The following ITGA8 variants were observed in gnomAD, a reference collection of about 807,000 sequenced individuals.
ITGA8 encodes integrin alpha-8.
In ITGA8, 91 loss-of-function variants were observed where a neutral mutation model predicts 142.3. The ratio of observed to expected loss-of-function variants is 0.64; its 90% CI spans 0.54 to 0.76. The LOEUF is 0.76. Ranked by LOEUF, ITGA8 falls within the 30% of genes least tolerant of loss-of-function variation. ITGA8 has a pLI of 0.00. For synonymous variants in ITGA8, 505 were observed against 485.2 expected (o/e 1.04, Z -0.54); for missense variants, 1,406 against 1,327.7 (o/e 1.06, Z -0.92).
intron 11 of ITGA8, among the ~76,000 whole-genome samples, chr10:15,652,597 C>CA (rs1834108513): frequency 6.6e-6 from 1 of 152,170 alleles, no homozygotes; most frequent in African/African-American, 2.4e-5. Flanking sequence ...GCTTTGATTA[C>CA]AATTACAGTC....
At chr10:15,694,229 A>C (rs1447766194) in intron 2 of ITGA8, among the ~76,000 whole-genome samples, 10 of 138,848 alleles carry the variant, frequency 7.2e-5, no homozygotes, top group African/African-American at 2.4e-4. Flanking sequence ...TATCATATAT[A>C]TGATAATATA....
intron 26 of ITGA8, among the ~76,000 whole-genome samples, chr10:15,555,533 A>T (rs1386905111): frequency 1.3e-5 from 2 of 152,182 alleles, no homozygotes; most frequent in Middle Eastern, 6.3e-3. Flanking sequence ...CAAGTCTAGG[A>T]GCCATTCACA....
At chr10:15,608,416 CA>C (rs1833237480) in intron 15 of ITGA8, 126 bp from the exon 16 acceptor site, 9 of 573,142 alleles carry the variant, frequency 1.6e-5, no homozygotes, top group South Asian at 4.5e-5. Context: ...CACACACACA[CA>C]CACACACCCA....
chr10:15,573,484 T>C (rs2131582152), intron 24 of ITGA8, among the ~76,000 whole-genome samples: 1 of 152,176 alleles, frequency 6.6e-6, no homozygotes, highest in East Asian at 1.9e-4. Context: ...ATCCTTTTGC[T>C]ATCAAAAGAG....
At chr10:15,590,177 G>A (rs185985203) in intron 22 of ITGA8, among the ~76,000 whole-genome samples, 1 of 152,316 alleles carries the variant, frequency 6.6e-6, no homozygotes, top group African/African-American at 2.4e-5. Flanking sequence ...TAAGGGTAAT[G>A]TTAAAATAGT....
chr10:15,613,724 G>C lies in ITGA8; in HGVS notation c.1489C>G (p.Pro497Ala). The part of the protein sequence containing the change: ...VTVDAQLLLH[P>A]MIINLENKTC... ...TTATTTTCAAGATTGATAATCATTG[G>C]GTGCAGCAGAAGCTGGGCATCTACA... Residue 497 changes from proline to alanine, a missense_variant, in exon 15 of 30, where the codon CCA becomes GCA. Physicochemically the swap from Pro to Ala is conservative, Grantham distance 27. Coordinates refer to ENST00000378076, the MANE Select transcript of ITGA8 (RefSeq NM_003638.3). The C allele has an allele frequency of 1.9e-6, 3 of 1,614,100 alleles. No individual in the cohort carries two copies. The highest frequency in any genetic ancestry group is 2.5e-6 in the Non-Finnish European group (3 of 1,179,984).
chr10:15,622,609 A>AACAAAACC (rs760656535), intron 13 of ITGA8, among the ~76,000 whole-genome samples: 5 of 114,974 alleles, frequency 4.3e-5, no homozygotes, highest in South Asian at 2.7e-4. Context: ...AAACAAAAAA[A>AACAAAACC]AAACCACATG....
chr10:15,626,734 A>G (rs140248504), intron 13 of ITGA8, among the ~76,000 whole-genome samples: 71 of 152,316 alleles, frequency 4.7e-4, no homozygotes, highest in African/African-American at 1.7e-3. Flanking sequence ...TTATAAGAAG[A>G]GGAAGCTAAG....
At chr10:15,526,856 G>A (rs968005561) in intron 28 of ITGA8, among the ~76,000 whole-genome samples, 1 of 152,080 alleles carries the variant, frequency 6.6e-6, no homozygotes, top group Non-Finnish European at 1.5e-5. Context: ...CCTTCATCAT[G>A]TCATAAATCT....
chr10:15,540,102 G>C (rs1376241620), intron 27 of ITGA8, among the ~76,000 whole-genome samples: 3 of 152,112 alleles, frequency 2.0e-5, no homozygotes, highest in Non-Finnish European at 4.4e-5. Flanking sequence ...AAATTACCCA[G>C]TCTCAGGTAT....
chr10:15,671,199 A>T (rs1834509835), intron 8 of ITGA8, among the ~76,000 whole-genome samples: 1 of 152,152 alleles, frequency 6.6e-6, no homozygotes, highest in Non-Finnish European at 1.5e-5. Context: ...GGAAAAAGCA[A>T]GTAAGGTTGG....
At chr10:15,517,929 T>G (rs976507214) in intron 29 of ITGA8, among the ~76,000 whole-genome samples, 2 of 152,252 alleles carry the variant, frequency 1.3e-5, no homozygotes, top group Admixed American at 6.5e-5. Context: ...AAAAGGAGAT[T>G]GTCTCCTAAA....
At chr10:15,658,559 C>G (rs1471867989) in intron 10 of ITGA8, among the ~76,000 whole-genome samples, 1 of 152,158 alleles carries the variant, frequency 6.6e-6, no homozygotes, top group Non-Finnish European at 1.5e-5. Context: ...TCTTGTTAGC[C>G]TTCCCTTGCC....
chr10:15,548,385 C>T, intron 27 of ITGA8, 70 bp downstream of exon 27: 1 of 1,055,976 alleles, frequency 9.5e-7, no homozygotes, highest in Non-Finnish European at 1.4e-6. Flanking sequence ...TATGAAAAGA[C>T]TTCCCACTGA....
chr10:15,523,819 C>T (rs1833114256), intron 28 of ITGA8, among the ~76,000 whole-genome samples: 1 of 151,624 alleles, frequency 6.6e-6, no homozygotes, highest in South Asian at 2.1e-4. Flanking sequence ...GTAGTCTCGG[C>T]TGCTCAGGAG....
At chr10:15,605,335 T>C (rs909161055) in intron 19 of ITGA8, among the ~76,000 whole-genome samples, 3 of 152,194 alleles carry the variant, frequency 2.0e-5, no homozygotes, top group African/African-American at 7.2e-5. Flanking sequence ...GTTTTAAGGA[T>C]GGCTTTGAGT....
Position 15,719,674 on chromosome 10 carries a change from G to A in ITGA8, c.98C>T (p.Ser33Phe). The A allele has an allele frequency of 2.7e-6, 4 of 1,502,982 alleles. No individual in the cohort carries two copies. The highest frequency in any genetic ancestry group is 3.5e-6 in the Non-Finnish European group (4 of 1,136,596). The allele number at this position is 1,502,982 out of a possible 1,614,324, so 93.1% of individuals were successfully genotyped here. Residue 33 changes from serine (S) to phenylalanine (F), a missense_variant, in exon 1 of 30, where the codon TCC (serine) becomes TTC (phenylalanine). Transcript: ENST00000378076. ...CAGGTTGAACGCCTGACAGGCGGGGGACCACAGCAACATCCCCAGCGCGGC... is the reference window on the plus strand; with the variant it reads ...CAGGTTGAACGCCTGACAGGCGGGGAACCACAGCAACATCCCCAGCGCGGC... ...AAAALGMLLW[S>F]PACQAFNLDV...
chr10:15,597,445 C>A (rs1833028781), intron 20 of ITGA8, 146 bp from the exon 21 acceptor site: 3 of 629,980 alleles, frequency 4.8e-6, no homozygotes, highest in East Asian at 2.6e-5. Context: ...ACCCTTAACT[C>A]AGAAGAGAAA....
Position 15,678,788 on chromosome 10 carries a change from A to T in ITGA8, c.569-5T>A. 1 of 1,581,954 alleles carries T rather than the reference A, an allele frequency of 6.3e-7. No homozygotes were observed. The highest frequency in any genetic ancestry group is 1.1e-5 in the South Asian group (1 of 89,562). On this transcript the variant is annotated splice_region_variant and splice_polypyrimidine_tract_variant and intron_variant, in intron 4 of 29. Transcript: ENST00000378076. ...GGCCTTCCGGATCAGCATTGCCTAG[A>T]ACGATCAAAATACATAAATGTTATA... is the stretch of plus-strand genomic sequence containing the variant.
Sources: allele counts gnomAD v4.1 joint callset (sites outside exome capture counted in the v4.1 genomes callset), GRCh38; gene constraint gnomAD v4.1.1; transcripts MANE v1.5; gene names NCBI Gene and HGNC (gene_info 2026-07-23, HGNC 2026-07-21).